PREX1: variants seen among roughly 807,000 people sequenced by gnomAD.
PREX1 encodes phosphatidylinositol-3,4,5-trisphosphate dependent Rac exchange factor 1, also known as phosphatidylinositol 3,4,5-trisphosphate-dependent Rac exchanger 1 protein.
Under a neutral mutation model 198.3 loss-of-function variants are expected in PREX1, and 41 were observed. The observed-to-expected ratio is 0.21, with a 90% CI of 0.16 to 0.27. The LOEUF (loss-of-function observed/expected upper bound fraction) is 0.27, where lower values mean the gene tolerates loss of function less well. PREX1 is among the 10% of genes least tolerant of loss of function. The pLI is 1.00. For missense variants in PREX1, 1,620 were observed against 2,200.7 expected (o/e 0.74, Z 5.28); for synonymous variants, 843 against 887.2 (o/e 0.95, Z 0.89).
rs147995516 is a variant in PREX1, at chr20:48,634,848, A to C, written c.4168-73T>G. Reference sequence around the variant, plus strand: ...CCAGGGTTTCCTATCAAGATGCTGAATTCAACTCTAGTCGGCACTCCACAC... The same window carrying C: ...CCAGGGTTTCCTATCAAGATGCTGACTTCAACTCTAGTCGGCACTCCACAC... On this transcript the variant is annotated intron_variant, in intron 32 of 39. Transcript: ENST00000371941. The C allele has an allele frequency of 8.9e-6, 12 of 1,352,016 alleles. No homozygotes were observed. The South Asian group carries it at 1.2e-4, about 13-fold the overall frequency. 83.8% of individuals were successfully genotyped at this position (1,352,016 alleles called of 1,614,324 possible). A position where few individuals can be genotyped will look rare whatever the true frequency, so the allele number is the denominator to read the frequency against.
chr20:48,817,242 C>T (rs565395697), intron 1 of PREX1, among the ~76,000 whole-genome samples: 4 of 152,312 alleles, frequency 2.6e-5, no homozygotes, highest in African/African-American at 9.6e-5. Flanking sequence ...CTAGCTCCAA[C>T]TTACAGCCAT....
intron 6 of PREX1, among the ~76,000 whole-genome samples, chr20:48,707,316 G>A (rs1193219932): frequency 6.6e-6 from 1 of 152,168 alleles, no homozygotes; most frequent in African/African-American, 2.4e-5. Flanking sequence ...CCTCGGCTGG[G>A]CAGGAAGGCC....
chr20:48,726,654 C>G (rs541762607), intron 4 of PREX1, among the ~76,000 whole-genome samples: 1 of 152,162 alleles, frequency 6.6e-6, no homozygotes, highest in South Asian at 2.1e-4. Flanking sequence ...CAAGCTACAA[C>G]GGCAGAGCTG....
At chr20:48,665,105 G>A (rs1178921716) in intron 15 of PREX1, among the ~76,000 whole-genome samples, 3 of 148,688 alleles carry the variant, frequency 2.0e-5, no homozygotes, top group Non-Finnish European at 4.5e-5. Context: ...GGCTCCAGAC[G>A]GCCTGAATTC....
At chr20:48,745,894 A>G (rs1034608781) in intron 2 of PREX1, among the ~76,000 whole-genome samples, 7 of 152,374 alleles carry the variant, frequency 4.6e-5, no homozygotes, top group African/African-American at 1.7e-4. Context: ...TGTTTCGTAG[A>G]CAGAGGCCAG....
At chr20:48,645,335 C>A (rs2089443267) in intron 26 of PREX1, among the ~76,000 whole-genome samples, 1 of 152,210 alleles carries the variant, frequency 6.6e-6, no homozygotes, top group Non-Finnish European at 1.5e-5. Context: ...ATTAAACTTA[C>A]CCATTATATG....
At position 48,639,852 on chromosome 20, in the gene PREX1, A is replaced by G; in HGVS notation, c.3818T>C (p.Leu1273Pro). ...GTCCTCCTGGATGCTAATCTGGATC[A>G]GGCTCCGGCCACGGATTGTACACTC... ...KEECTIRGRS[L>P]IQISIQEDPW... The change falls in exon 30 of 40, where the codon CTG becomes CCG. Residue 1273 changes from leucine (L) to proline (P), a missense_variant. Transcript: ENST00000371941. The G allele has an allele frequency of 5.0e-6, 8 of 1,614,054 alleles. No homozygotes were observed. Among genetic ancestry groups the G allele is most frequent in the Non-Finnish European group, 6.8e-6 (8 of 1,179,960 alleles).
chr20:48,649,180 T>C, intron 25 of PREX1, 120 bp downstream of exon 25: 2 of 1,374,946 alleles, frequency 1.5e-6, no homozygotes, highest in Non-Finnish European at 2.0e-6. Flanking sequence ...CTAAATAGCC[T>C]ATAATGTCCA....
At chr20:48,720,185 C>T (rs569683075) in intron 5 of PREX1, among the ~76,000 whole-genome samples, 2 of 152,172 alleles carry the variant, frequency 1.3e-5, no homozygotes, top group African/African-American at 4.8e-5. Flanking sequence ...CTCAGTCCAG[C>T]CTTCCCTGAC....
At chr20:48,771,719 G>A (rs779871407) in intron 1 of PREX1, among the ~76,000 whole-genome samples, 6 of 152,196 alleles carry the variant, frequency 3.9e-5, no homozygotes, top group Non-Finnish European at 5.9e-5. Context: ...CCGAGGCCCA[G>A]CTGATGCTCA....
the PREX1 span, among the ~76,000 whole-genome samples, chr20:48,868,763 C>A: frequency 6.6e-6 from 1 of 152,114 alleles, no homozygotes; most frequent in Admixed American, 6.6e-5. Flanking sequence ...CAAATAGTAA[C>A]ATAAACATAC....
intron 23 of PREX1, 104 bp from the exon 24 acceptor site, chr20:48,650,310 C>G (rs1204529591): frequency 1.8e-6 from 2 of 1,138,594 alleles, no homozygotes; most frequent in East Asian, 2.5e-5. Context: ...AGATGCCCCA[C>G]AGTTGGACAA....
chr20:48,632,097 A>C (rs6095219), intron 35 of PREX1, among the ~76,000 whole-genome samples, 180 bp downstream of exon 35: 203 of 152,364 alleles, frequency 1.3e-3, no homozygotes, highest in Middle Eastern at 0.01. Flanking sequence ...AGTGGGATCC[A>C]TGGCCTGCTG....
chr20:48,688,863 G>C, intron 9 of PREX1, 59 bp from the exon 10 acceptor site: 3 of 1,600,326 alleles, frequency 1.9e-6, no homozygotes, highest in Non-Finnish European at 1.7e-6. Flanking sequence ...GGGGGGGTAG[G>C]GGGAGACAAG....
intron 5 of PREX1, among the ~76,000 whole-genome samples, chr20:48,716,589 AG>A (rs1248547678): frequency 6.6e-6 from 1 of 152,178 alleles, no homozygotes; most frequent in African/African-American, 2.4e-5. Flanking sequence ...AGGAGAGAGG[AG>A]GATGAGCTGC....
intron 22 of PREX1, 127 bp downstream of exon 22, chr20:48,651,269 G>T: frequency 7.2e-7 from 1 of 1,385,786 alleles, no homozygotes; most frequent in Non-Finnish European, 9.6e-7. Flanking sequence ...CAGAATTCAG[G>T]ACTCCAGGCT....
At chr20:48,864,330 C>T in the PREX1 span, among the ~76,000 whole-genome samples, 1 of 152,186 alleles carries the variant, frequency 6.6e-6, no homozygotes, top group Non-Finnish European at 1.5e-5. Flanking sequence ...CCACTGGGAA[C>T]AAGAGAGATG....
In PREX1 at chr20:48,744,996, T is replaced by G. The variant is rs753740744; in HGVS notation, c.414+29A>C. ...GAAGCCCACTTTTCAAAAACTAGAG[T>G]CCACCAGGGGCAGTGGCATGGTACT... is the stretch of plus-strand genomic sequence containing the variant. On this transcript the variant is annotated intron_variant, in intron 3 of 39. Transcript: ENST00000371941. 6.2e-6 allele frequency: 10 copies of G among 1,609,128 alleles called. No homozygotes were observed. In the South Asian group the frequency reaches 1.1e-4, roughly 18 times the overall value.
intron 7 of PREX1, among the ~76,000 whole-genome samples, chr20:48,693,151 C>T (rs963784338): frequency 5.3e-5 from 8 of 152,074 alleles, no homozygotes; most frequent in Admixed American, 5.2e-4. Context: ...TCCTGAAATA[C>T]GACCAGAATG....
Sources: allele counts gnomAD v4.1 joint callset (sites outside exome capture counted in the v4.1 genomes callset), GRCh38; gene constraint gnomAD v4.1.1; transcripts MANE v1.5; gene names NCBI Gene and HGNC (gene_info 2026-07-23, HGNC 2026-07-21).